The following ZNF540 variants were observed in gnomAD, a reference collection of about 807,000 sequenced individuals.
ZNF540 encodes zinc finger protein 540, also known as CTD-3064H18.6.
A neutral mutation model predicts 11.8 loss-of-function variants in ZNF540; 3 were observed. The ratio of observed to expected loss-of-function variants is 0.25; its 90% CI spans 0.12 to 0.65. The LOEUF is 0.65. Ranked by LOEUF, ZNF540 falls within the 30% of genes least tolerant of loss-of-function variation. The pLI, the probability that ZNF540 is intolerant of heterozygous loss-of-function variation, is 0.83. For synonymous variants in ZNF540, 247 were observed against 259.0 expected (o/e 0.95, Z 0.45); for missense variants, 709 against 793.1 (o/e 0.89, Z 1.27).
chr19:37,579,042 C>G (rs968396437), intron 1 of ZNF540, among the ~76,000 whole-genome samples: 1 of 152,206 alleles, frequency 6.6e-6, no homozygotes, highest in South Asian at 2.1e-4. Context: ...CCGCCCTGCC[C>G]CCACCTGAAC....
chr19:37,608,824 T>C (rs1447537706), intron 4 of ZNF540, among the ~76,000 whole-genome samples: 1 of 152,134 alleles, frequency 6.6e-6, no homozygotes. Context: ...TAGGCTCTAA[T>C]AAAACCCCAG....
intron 4 of ZNF540, among the ~76,000 whole-genome samples, chr19:37,604,896 A>G (rs1462272998): frequency 6.6e-6 from 1 of 152,166 alleles, no homozygotes; most frequent in Non-Finnish European, 1.5e-5. Context: ...CAGAATATGC[A>G]GTATTCTGTG....
intron 1 of ZNF540, among the ~76,000 whole-genome samples, chr19:37,579,706 A>C (rs535531043): frequency 6.6e-6 from 1 of 152,270 alleles, no homozygotes; most frequent in South Asian, 2.1e-4. Flanking sequence ...TACAGTTATA[A>C]AGCCACCAGC....
At chr19:37,587,984 C>T (rs568876894) in intron 1 of ZNF540, among the ~76,000 whole-genome samples, 2 of 151,658 alleles carry the variant, frequency 1.3e-5, no homozygotes, top group South Asian at 4.2e-4. Flanking sequence ...CCTGTAGTCC[C>T]AGCTACTTGG....
intron 1 of ZNF540, chr19:37,586,585 G>T: frequency 6.5e-7 from 1 of 1,543,836 alleles, no homozygotes; most frequent in Non-Finnish European, 8.9e-7. Flanking sequence ...ACCAAACAAG[G>T]CAGGAAATTC....
In ZNF540 at chr19:37,612,620, C is replaced by A. The variant is rs149496183; in HGVS notation, c.1340C>A (p.Ala447Asp). ...TATGAATGTAAGGAATGCGGGAAAG[C>A]CTTTATGCTTCGTTCAGTCCTTACT... ...KPYECKECGK[A>D]FMLRSVLTEH... The change falls in exon 5 of 5, where the codon GCC (alanine) becomes GAC (aspartate). Residue 447 changes from alanine (A) to aspartate (D), a missense_variant. Transcript: ENST00000316433. The A allele has an allele frequency of 7.5e-4, 1,207 of 1,613,950 alleles. 12 individuals carry two copies. The highest frequency in any genetic ancestry group is 1.4e-4 in the Non-Finnish European group (162 of 1,179,982).
chr19:37,596,146 T>C (rs1568365351), intron 1 of ZNF540, among the ~76,000 whole-genome samples: 1 of 152,348 alleles, frequency 6.6e-6, no homozygotes, highest in East Asian at 1.9e-4. Context: ...ATAGTCAAGA[T>C]AGATCATTTC....
In ZNF540 at chr19:37,611,557, G is replaced by A; in HGVS notation, c.277G>A (p.Asp93Asn). 1 of 1,607,856 alleles carries A rather than the reference G, an allele frequency of 6.2e-7. No individual in the cohort carries two copies. Among genetic ancestry groups the A allele is most frequent in the African/African-American group, 1.3e-5 (1 of 74,724 alleles). ...HKTKKLSSEK[D>N]IHEISLSKES... The stretch of plus-strand genomic sequence containing the variant: ...GACCAAGAAATTATCTTCAGAAAAG[G>A]ACATTCATGAAATCAGTTTATCCAA... Residue 93 changes from aspartate (D) to asparagine (N), a missense_variant, in exon 5 of 5, where the codon GAC becomes AAC. Asp to Asn is a conservative substitution (Grantham distance 23). Coordinates refer to ENST00000316433, the MANE Select transcript of ZNF540 (RefSeq NM_001172225.3).
intron 2 of ZNF540, among the ~76,000 whole-genome samples, chr19:37,598,793 T>A (rs985308199): frequency 9.7e-5 from 8 of 82,532 alleles, no homozygotes; most frequent in African/African-American, 4.0e-4. Flanking sequence ...TTTCCACAGA[T>A]CCTGTGTCTG....
Position 37,612,358 on chromosome 19 carries a change from T to G in ZNF540, c.1078T>G (p.Cys360Gly), listed in dbSNP as rs1341248127. 1.2e-6 allele frequency: 2 copies of G among 1,614,074 alleles called. No homozygotes were observed. The change falls in exon 5 of 5, where the codon TGT becomes GGT. Residue 360 changes from cysteine to glycine, a missense_variant. Transcript: ENST00000316433. The part of the protein sequence containing the change: ...TGVKPYECKE[C>G]GKTFRLSFYL... ...TGTAAAACCCTACGAATGTAAGGAA[T>G]GTGGAAAGACCTTTAGACTTAGTTT...
intron 1 of ZNF540, among the ~76,000 whole-genome samples, chr19:37,552,349 G>C (rs745845323): frequency 6.6e-6 from 1 of 152,114 alleles, no homozygotes; most frequent in Non-Finnish European, 1.5e-5. Context: ...GCTGCTCTTA[G>C]GTGGACTAGT....
chr19:37,580,659 C>G (rs935412060), intron 1 of ZNF540, among the ~76,000 whole-genome samples: 3 of 152,160 alleles, frequency 2.0e-5, no homozygotes, highest in Non-Finnish European at 1.5e-5. Context: ...TCAAGGGTGA[C>G]TGAGCTCTCG....
Position 37,612,771 on chromosome 19 carries a change from T to G in ZNF540, c.1491T>G (p.Cys497Trp). 6.2e-7 allele frequency: 1 copy of G among 1,614,066 alleles called. No individual in the cohort carries two copies. Among genetic ancestry groups the G allele is most frequent in the Non-Finnish European group, 8.5e-7 (1 of 1,179,992 alleles). ...KIHTDVKPYK[C>W]VRCGKTFRFG... ...ATACTGATGTGAAGCCCTACAAATG[T>G]GTACGATGTGGGAAGACCTTTAGAT... The change falls in exon 5 of 5, where the codon TGT (cysteine) becomes TGG (tryptophan). Residue 497 changes from cysteine (C) to tryptophan (W), a missense_variant. Physicochemically the swap from Cys to Trp is radical, Grantham distance 215. Transcript: ENST00000316433.
At chr19:37,580,312 T>C (rs2043408296) in intron 1 of ZNF540, among the ~76,000 whole-genome samples, 1 of 152,238 alleles carries the variant, frequency 6.6e-6, no homozygotes, top group African/African-American at 2.4e-5. Context: ...ACATGTTCTA[T>C]CAATAGCTGC....
At chr19:37,565,629 T>C (rs907070254) in intron 1 of ZNF540, 5 of 1,613,360 alleles carry the variant, frequency 3.1e-6, no homozygotes, top group Non-Finnish European at 4.2e-6. Context: ...TGATGAAGAG[T>C]ATATTGTGAA....
At chr19:37,574,181 G>A (rs12609696) in intron 1 of ZNF540, among the ~76,000 whole-genome samples, 1 of 152,132 alleles carries the variant, frequency 6.6e-6, no homozygotes, top group African/African-American at 2.4e-5. Flanking sequence ...ACACTTAATA[G>A]ATATGCCTTT....
chr19:37,582,026 C>A (rs4803277), intron 1 of ZNF540, among the ~76,000 whole-genome samples: 2 of 152,168 alleles, frequency 1.3e-5, no homozygotes, highest in Non-Finnish European at 1.5e-5. Flanking sequence ...TATATAAACT[C>A]TAATCACACT....
intron 1 of ZNF540, chr19:37,565,050 C>A (rs1277872739): frequency 6.2e-7 from 1 of 1,613,172 alleles, no homozygotes; most frequent in Non-Finnish European, 8.5e-7. Flanking sequence ...GTAAGATATG[C>A]AACACGAATA....
At chr19:37,564,697 T>G in intron 1 of ZNF540, 1 of 1,613,532 alleles carries the variant, frequency 6.2e-7, no homozygotes, top group Non-Finnish European at 8.5e-7. Flanking sequence ...TATGGATCCT[T>G]TGATGCAGAG....
Sources: gnomAD v4.1 joint callset for allele counts (sites outside exome capture counted in the v4.1 genomes callset) on GRCh38, gnomAD v4.1.1 for gene constraint, MANE v1.5 for transcripts, NCBI Gene and HGNC (gene_info 2026-07-23, HGNC 2026-07-21) for gene names.